Variants in CIB3 observed in about 807,000 individuals in gnomAD.
CIB3 encodes calcium and integrin binding family member 3, also known as calcium and integrin-binding family member 3.
CIB3 carries 22 observed loss-of-function variants against 23.4 expected under a neutral mutation model. The ratio of observed to expected loss-of-function variants is 0.94; its 90% CI spans 0.67 to 1.34. The LOEUF (loss-of-function observed/expected upper bound fraction) is 1.34, where lower values mean the gene tolerates loss of function less well. CIB3 is among the 40% of genes most tolerant of loss of function. The probability of loss-of-function intolerance (pLI) is 0.00; values close to 1 mark genes in which losing one functional copy is unlikely to be tolerated. For missense variants in CIB3, 258 were observed against 247.3 expected (o/e 1.04, Z -0.29); for synonymous variants, 93 against 95.8 (o/e 0.97, Z 0.17).
intron 3 of CIB3, among the ~76,000 whole-genome samples, chr19:16,169,364 G>A (rs1209373564): frequency 1.3e-5 from 2 of 151,992 alleles, no homozygotes; most frequent in African/African-American, 2.4e-5. Flanking sequence ...GGCTGGTCTC[G>A]AACTCCTGAC....
At chr19:16,164,030 G>GCA (rs1303932429) in intron 5 of CIB3, among the ~76,000 whole-genome samples, 2 of 152,102 alleles carry the variant, frequency 1.3e-5, no homozygotes. Flanking sequence ...GGAGTGCATG[G>GCA]CACAATCTGA....
Position 16,168,356 on chromosome 19 carries a change from A to G in CIB3, c.199-72T>C, listed in dbSNP as rs182784011. ...TCTCTGGGGTCCATGTGGTCTCACT[A>G]TCAGCACCCACCTTCTGGGAACCTC... On this transcript the variant is annotated intron_variant, in intron 3 of 5. Transcript: ENST00000269878. 6 of 1,573,854 alleles carry G rather than the reference A, an allele frequency of 3.8e-6. No homozygotes were observed. The Admixed American group carries it at 7.4e-5, about 20-fold the overall frequency.
At chr19:16,172,351 C>T (rs986104956) in intron 2 of CIB3, among the ~76,000 whole-genome samples, 6 of 152,124 alleles carry the variant, frequency 3.9e-5, no homozygotes, top group African/African-American at 1.4e-4. Context: ...GATGGGGTTT[C>T]ACCATGTTGG....
At position 16,173,206 on chromosome 19, in the gene CIB3, G is replaced by A. The variant is rs1482402374; in HGVS notation, c.52-10C>T. 1 of 1,614,036 alleles carries A rather than the reference G, an allele frequency of 6.2e-7. No homozygotes were observed. ...TGAAAAATGTGCAGTCCTGTGGAGA[G>A]AGGTGTTGTCTTAACCCGAACCCTG... On this transcript the variant is annotated splice_polypyrimidine_tract_variant and intron_variant, in intron 1 of 5. Transcript: ENST00000269878.
chr19:16,164,603 C>T (rs1388575572), intron 5 of CIB3, 115 bp downstream of exon 5: 2 of 1,025,910 alleles, frequency 1.9e-6, no homozygotes, highest in Non-Finnish European at 2.9e-6. Context: ...AGAAAGTTTC[C>T]CAAGGTCATG....
chr19:16,165,549 T>C (rs1217536326), intron 4 of CIB3, among the ~76,000 whole-genome samples: 1 of 152,026 alleles, frequency 6.6e-6, no homozygotes, highest in Non-Finnish European at 1.5e-5. Flanking sequence ...GTTCAAGTGA[T>C]TCTCCTGCCT....
At chr19:16,165,170 G>A (rs1280840081) in intron 4 of CIB3, among the ~76,000 whole-genome samples, 1 of 151,370 alleles carries the variant, frequency 6.6e-6, no homozygotes, top group South Asian at 2.1e-4. Context: ...GCATGCACCT[G>A]TAATCCCAGC....
In CIB3 at chr19:16,161,441, T is replaced by C. The variant is rs2091284300; in HGVS notation, c.*24A>G. The C allele has an allele frequency of 1.2e-6, 2 of 1,613,826 alleles. No individual in the cohort carries two copies. The highest frequency in any genetic ancestry group is 1.7e-6 in the Non-Finnish European group (2 of 1,179,790). On this transcript the variant is annotated 3_prime_UTR_variant, in exon 6 of 6. Coordinates refer to ENST00000269878, the MANE Select transcript of CIB3 (RefSeq NM_054113.4). ...GGTGAGGGGTCACCCCGCCCTCCTATAGCTCGGCTCCTCTGTGGTGCCATC... is the reference window on the plus strand; with the variant it reads ...GGTGAGGGGTCACCCCGCCCTCCTACAGCTCGGCTCCTCTGTGGTGCCATC...
chr19:16,164,403 C>A (rs1326268947), intron 5 of CIB3, among the ~76,000 whole-genome samples: 1 of 152,170 alleles, frequency 6.6e-6, no homozygotes, highest in Non-Finnish European at 1.5e-5. Context: ...CCTGCAGTGG[C>A]GGCTGATTTT....
In CIB3 at chr19:16,164,734, C is replaced by T. The variant is rs774339641; in HGVS notation, c.526G>A (p.Ala176Thr). The change falls in exon 5 of 6, where the codon GCA becomes ACA. Residue 176 changes from alanine to threonine, a missense_variant. Ala to Thr is a moderately conservative substitution (Grantham distance 58). Transcript: ENST00000269878. ...GAGCATCACCTGAGGAAGTCTGGTG[C>T]CCGGAGGATCATGTTCTGGAAATCT... is the stretch of plus-strand genomic sequence containing the variant. ...LEDFQNMILR[A>T]PDFLSTFHIR... 1 of 1,613,844 alleles carries T rather than the reference C, an allele frequency of 6.2e-7. No individual in the cohort carries two copies. Among genetic ancestry groups the T allele is most frequent in the South Asian group, 1.1e-5 (1 of 91,066 alleles).
chr19:16,163,928 C>T (rs570098103), intron 5 of CIB3, among the ~76,000 whole-genome samples: 102 of 151,998 alleles, frequency 6.7e-4, no homozygotes, highest in African/African-American at 2.1e-3. Flanking sequence ...ATCACTGTCA[C>T]GTGTCATGGA....
chr19:16,170,744 C>A (rs572160002), intron 2 of CIB3, among the ~76,000 whole-genome samples: 1 of 152,074 alleles, frequency 6.6e-6, no homozygotes, highest in Non-Finnish European at 1.5e-5. Context: ...ATCACTTGAA[C>A]CTGGGAGCTG....
chr19:16,172,943 C>A (rs943145155), intron 2 of CIB3, among the ~76,000 whole-genome samples: 1 of 147,492 alleles, frequency 6.8e-6, no homozygotes, highest in Admixed American at 6.9e-5. Context: ...TAGAGACAGA[C>A]CCTGTCTCAA....
chr19:16,164,987 C>G (rs1021253700), intron 4 of CIB3, 74 bp from the exon 5 acceptor site: 1 of 1,316,368 alleles, frequency 7.6e-7, no homozygotes, highest in Non-Finnish European at 1.1e-6. Flanking sequence ...CATACTGTGC[C>G]CATGTTACAA....
intron 1 of CIB3, 69 bp downstream of exon 1, chr19:16,173,356 G>C: frequency 6.4e-7 from 1 of 1,561,720 alleles, no homozygotes; most frequent in South Asian, 1.1e-5. Context: ...AAGGCATTCT[G>C]TTCCCATTTC....
chr19:16,165,564 C>T (rs2091302895), intron 4 of CIB3, among the ~76,000 whole-genome samples: 1 of 152,022 alleles, frequency 6.6e-6, no homozygotes, highest in African/African-American at 2.4e-5. Context: ...CTGCCTCAGC[C>T]TCCCAAGTAG....
chr19:16,173,291 A>C (rs1456683244), intron 1 of CIB3, 95 bp from the exon 2 acceptor site: 1 of 1,587,354 alleles, frequency 6.3e-7, no homozygotes, highest in Non-Finnish European at 8.7e-7. Flanking sequence ...AGATGGCCTG[A>C]TGCTGCCACA....
chr19:16,167,078 G>A (rs567691585), intron 4 of CIB3, among the ~76,000 whole-genome samples: 14 of 152,242 alleles, frequency 9.2e-5, no homozygotes, highest in South Asian at 2.1e-4. Context: ...TTAGTCAGGC[G>A]TTGTGGCAGG....
intron 2 of CIB3, among the ~76,000 whole-genome samples, chr19:16,172,658 T>C (rs1476183439): frequency 6.6e-6 from 1 of 151,984 alleles, no homozygotes; most frequent in Non-Finnish European, 1.5e-5. Flanking sequence ...CCCAACAAAT[T>C]GGAAATACCA....
Sources: allele counts gnomAD v4.1 joint callset (sites outside exome capture counted in the v4.1 genomes callset), GRCh38; gene constraint gnomAD v4.1.1; transcripts MANE v1.5; gene names NCBI Gene and HGNC (gene_info 2026-07-23, HGNC 2026-07-21).